Variants in ADGRL3 observed in about 807,000 individuals in gnomAD.
ADGRL3 encodes calcium-independent alpha-latrotoxin receptor 3.
ADGRL3 carries 62 observed loss-of-function variants against 153.5 expected under a neutral mutation model. That is an observed-to-expected ratio of 0.40 (90% confidence interval 0.33 to 0.50). The LOEUF (loss-of-function observed/expected upper bound fraction) is 0.50, where lower values mean the gene tolerates loss of function less well. Among genes scored for constraint, ADGRL3 ranks in the 20% least tolerant of loss-of-function variants. The pLI, the probability that ADGRL3 is intolerant of heterozygous loss-of-function variation, is 0.47. For missense variants in ADGRL3, 1,641 were observed against 1,859.4 expected, an observed-to-expected ratio of 0.88 and a Z score of 2.16; for synonymous variants, 710 against 672.5, an observed-to-expected ratio of 1.06 and a Z score of -0.86.
At chr4:61,693,627 T>C (rs1030197415) in intron 6 of ADGRL3, among the ~76,000 whole-genome samples, 3 of 152,188 alleles carry the variant, frequency 2.0e-5, no homozygotes, top group African/African-American at 7.2e-5. Context: ...TTGTTGCGGA[T>C]GAGGTATTGA....
intron 2 of ADGRL3, among the ~76,000 whole-genome samples, chr4:61,432,731 G>A (rs538069949): frequency 6.9e-6 from 1 of 145,002 alleles, no homozygotes; most frequent in African/African-American, 2.5e-5. Context: ...TCGGCGCACC[G>A]CAACCTCTGC....
intron 1 of ADGRL3, among the ~76,000 whole-genome samples, chr4:61,368,928 T>G (rs1293774219): frequency 6.6e-6 from 1 of 152,224 alleles, no homozygotes; most frequent in Non-Finnish European, 1.5e-5. Flanking sequence ...GTAGTTGTCC[T>G]TGAAGAGGTC....
At chr4:61,417,367 T>A (rs1337359201) in intron 2 of ADGRL3, among the ~76,000 whole-genome samples, 2 of 152,016 alleles carry the variant, frequency 1.3e-5, no homozygotes, top group African/African-American at 4.8e-5. Flanking sequence ...GTATCTGTGG[T>A]CCTTGCTACT....
At chr4:61,462,842 A>T (rs531031841) in intron 2 of ADGRL3, among the ~76,000 whole-genome samples, 158 of 152,270 alleles carry the variant, frequency 1.0e-3, no homozygotes, top group African/African-American at 3.8e-3. Flanking sequence ...TGGCAAAAGG[A>T]AGAGAACCAA....
chr4:61,743,931 A>G (rs1417687541), intron 8 of ADGRL3, among the ~76,000 whole-genome samples: 2 of 152,210 alleles, frequency 1.3e-5, no homozygotes, highest in African/African-American at 2.4e-5. Flanking sequence ...CGGGAAGTGC[A>G]AGGGGTCAGG....
chr4:61,662,707 C>G (rs983783870), intron 5 of ADGRL3, among the ~76,000 whole-genome samples: 3 of 152,228 alleles, frequency 2.0e-5, no homozygotes, highest in African/African-American at 7.2e-5. Flanking sequence ...AGGCCAAGGA[C>G]AGCCTGAGGT....
intron 2 of ADGRL3, among the ~76,000 whole-genome samples, chr4:61,495,828 G>A (rs1261580443): frequency 8.5e-5 from 13 of 152,072 alleles, no homozygotes; most frequent in African/African-American, 3.1e-4. Context: ...TCTATTCCAT[G>A]TTTCTAGACC....
chr4:61,410,915 A>T (rs1300533464), intron 2 of ADGRL3, among the ~76,000 whole-genome samples: 1 of 152,150 alleles, frequency 6.6e-6, no homozygotes, highest in Non-Finnish European at 1.5e-5. Flanking sequence ...GTAACTGAGA[A>T]CCCATCCTAT....
At chr4:61,246,843 TG>T (rs964020061) in intron 1 of ADGRL3, among the ~76,000 whole-genome samples, 111 of 151,732 alleles carry the variant, frequency 7.3e-4, no homozygotes, top group Non-Finnish European at 1.2e-3. Flanking sequence ...AATATATATA[TG>T]GGGGGAAGGG....
chr4:62,070,010 C>A (rs1245027965), intron 26 of ADGRL3, 99 bp from the exon 27 acceptor site: 16 of 934,462 alleles, frequency 1.7e-5, no homozygotes, highest in Non-Finnish European at 2.5e-5. Context: ...GCAATTTATA[C>A]ATATTTCATA....
At chr4:61,545,114 C>T (rs920890896) in intron 4 of ADGRL3, among the ~76,000 whole-genome samples, 18 of 152,140 alleles carry the variant, frequency 1.2e-4, no homozygotes, top group Admixed American at 1.1e-3. Flanking sequence ...CTTTACTTCT[C>T]CTCCTGCATT....
intron 5 of ADGRL3, among the ~76,000 whole-genome samples, chr4:61,610,704 A>C (rs941412030): frequency 1.5e-4 from 23 of 152,282 alleles, no homozygotes; most frequent in Middle Eastern, 3.4e-3. Context: ...TAATTCTCCT[A>C]ACATATTATC....
chr4:61,502,271 A>T (rs1447676563), intron 3 of ADGRL3, among the ~76,000 whole-genome samples: 1 of 152,108 alleles, frequency 6.6e-6, no homozygotes, highest in Admixed American at 6.6e-5. Context: ...GATGATTGGG[A>T]GTTCAGAAGG....
intron 5 of ADGRL3, among the ~76,000 whole-genome samples, chr4:61,639,929 A>G (rs962359370): frequency 1.3e-5 from 2 of 152,124 alleles, no homozygotes; most frequent in African/African-American, 4.8e-5. Flanking sequence ...TCTATATTTC[A>G]TAGAGGCTAA....
intron 8 of ADGRL3, among the ~76,000 whole-genome samples, chr4:61,760,319 C>T (rs1174263514): frequency 1.3e-5 from 2 of 152,160 alleles, no homozygotes; most frequent in Non-Finnish European, 2.9e-5. Context: ...GTTCGAGCTT[C>T]CCAGCAGCTT....
chr4:62,059,304 GTT>G (rs1171896444), intron 25 of ADGRL3, among the ~76,000 whole-genome samples: 5 of 152,120 alleles, frequency 3.3e-5, no homozygotes, highest in Non-Finnish European at 5.9e-5. Context: ...GCTGGTCTGT[GTT>G]TTATACACTT....
chr4:61,453,123 G>T (rs562596833), intron 2 of ADGRL3, among the ~76,000 whole-genome samples: 27 of 152,100 alleles, frequency 1.8e-4, no homozygotes, highest in Non-Finnish European at 3.5e-4. Flanking sequence ...GGTTGAATGT[G>T]AAACATTTTG....
At chr4:61,405,903 A>G (rs2152197240) in intron 2 of ADGRL3, among the ~76,000 whole-genome samples, 1 of 152,124 alleles carries the variant, frequency 6.6e-6, no homozygotes, top group Middle Eastern at 3.4e-3. Context: ...TAAACCTACC[A>G]GAAATACTCT....
chr4:61,792,020 T>G (rs555670494), intron 8 of ADGRL3, among the ~76,000 whole-genome samples: 1 of 152,336 alleles, frequency 6.6e-6, no homozygotes, highest in Admixed American at 6.5e-5. Flanking sequence ...CCTGGAGACC[T>G]TTTCCCCTTT....
Sources: allele counts gnomAD v4.1 joint callset (sites outside exome capture counted in the v4.1 genomes callset), GRCh38; gene constraint gnomAD v4.1.1; transcripts MANE v1.5; gene names NCBI Gene and HGNC (gene_info 2026-07-23, HGNC 2026-07-21).